The following L3HYPDH variants were observed in gnomAD, a reference collection of about 807,000 sequenced individuals.
L3HYPDH encodes the protein trans-3-hydroxy-L-proline dehydratase.
Under a neutral mutation model 26.5 loss-of-function variants are expected in L3HYPDH, and 32 were observed. The ratio of observed to expected loss-of-function variants is 1.21; its 90% CI spans 0.91 to 1.62. L3HYPDH has a LOEUF of 1.62. Ranked by LOEUF, L3HYPDH falls within the 40% of genes most tolerant of loss-of-function variation. The pLI, the probability that L3HYPDH is intolerant of heterozygous loss-of-function variation, is 0.00. For synonymous variants in L3HYPDH, 215 were observed against 196.6 expected (o/e 1.09, Z -0.78); for missense variants, 554 against 476.4 (o/e 1.16, Z -1.52).
the L3HYPDH span, among the ~76,000 whole-genome samples, chr14:59,501,975 C>T: frequency 6.6e-6 from 1 of 152,000 alleles, no homozygotes. Context: ...CATATCATAA[C>T]GTTTATATTT....
At chr14:59,502,768 T>TGTTTTG in the L3HYPDH span, among the ~76,000 whole-genome samples, 1 of 140,324 alleles carries the variant, frequency 7.1e-6, no homozygotes, top group Non-Finnish European at 1.5e-5. Flanking sequence ...TTTTTTTTTT[T>TGTTTTG]TTTTTCGGAG....
chr14:59,479,888 GA>G (rs1448663166), intron 1 of L3HYPDH, among the ~76,000 whole-genome samples: 11 of 152,136 alleles, frequency 7.2e-5, no homozygotes, highest in African/African-American at 2.2e-4. Context: ...GGCAAACACA[GA>G]AAAATGCCAT....
chr14:59,505,135 A>C, the L3HYPDH span: 3 of 482,650 alleles, frequency 6.2e-6, no homozygotes, highest in Non-Finnish European at 1.1e-5. Context: ...GTTAAATTTT[A>C]AATGTTTAAG....
At chr14:59,469,480 G>A (rs921170635), downstream of L3HYPDH, among the ~76,000 whole-genome samples, 7 of 146,922 alleles carry the variant, frequency 4.8e-5, no homozygotes, top group South Asian at 4.3e-4. Context: ...GCTTGAACCC[G>A]GGAAGCAGAG....
chr14:59,470,957 GGGGGGGGGGGA>G (rs1889294894), downstream of L3HYPDH, among the ~76,000 whole-genome samples: 2 of 23,310 alleles, frequency 8.6e-5, 1 homozygote, highest in African/African-American at 2.0e-4. Context: ...GCTGGGGGCG[GGGGGGGGGGGA>G]GGGCAGGAGA....
At chr14:59,490,612 C>T in the L3HYPDH span, among the ~76,000 whole-genome samples, 1 of 152,152 alleles carries the variant, frequency 6.6e-6, no homozygotes, top group Non-Finnish European at 1.5e-5. Flanking sequence ...GAAATAGAAT[C>T]AGCAGTTTTC....
At chr14:59,485,150 A>C, upstream of L3HYPDH, 2 of 1,593,840 alleles carry the variant, frequency 1.3e-6, no homozygotes, top group Non-Finnish European at 1.7e-6. Context: ...AGTTCAGTTT[A>C]TCATACTGGT....
chr14:59,502,755 T>TGTTTTGTTTTGTTTGTTTTTG, the L3HYPDH span, among the ~76,000 whole-genome samples: 4 of 122,918 alleles, frequency 3.3e-5, no homozygotes, highest in Non-Finnish European at 4.9e-5. Context: ...ATGAGATTTT[T>TGTTTTGTTTTGTTTGTTTTTG]TTTTTTTTTT....
At position 59,476,178 on chromosome 14, in the gene L3HYPDH, A is replaced by C; in HGVS notation, c.715T>G (p.Phe239Val). 1 of 1,610,800 alleles carries C rather than the reference A, an allele frequency of 6.2e-7. No homozygotes were observed. The highest frequency in any genetic ancestry group is 8.5e-7 in the Non-Finnish European group (1 of 1,177,248). The change falls in exon 3 of 5, where the codon TTT (phenylalanine) becomes GTT (valine). Residue 239 changes from phenylalanine (F) to valine (V), a missense_variant. Phe to Val is a conservative substitution (Grantham distance 50). Coordinates refer to ENST00000247194, the MANE Select transcript of L3HYPDH (RefSeq NM_144581.2). ...TCTGTTAATATAGTTCCATATAAAA[A>C]GGCAAGGTCTTCACTATCAGGATGA... ...INHPDSEDLA[F>V]LYGTILTDGK...
chr14:59,476,030 G>GA, intron 3 of L3HYPDH, 24 bp from the exon 4 acceptor site: 1 of 1,613,770 alleles, frequency 6.2e-7, no homozygotes, highest in Non-Finnish European at 8.5e-7. Context: ...AATGAAGACA[G>GA]AATGTTCATA....
chr14:59,486,341 A>T (rs906705239), upstream of L3HYPDH, among the ~76,000 whole-genome samples: 1 of 152,232 alleles, frequency 6.6e-6, no homozygotes, highest in African/African-American at 2.4e-5. Flanking sequence ...TGGGCAAAAT[A>T]CAAGGTGGTG....
At chr14:59,484,469 T>A (rs1249963293), upstream of L3HYPDH, 2 of 1,409,714 alleles carry the variant, frequency 1.4e-6, no homozygotes, top group Non-Finnish European at 9.7e-7. Flanking sequence ...GGGAGGAACT[T>A]CGGAGCTGTC....
At chr14:59,492,947 G>A in the L3HYPDH span, among the ~76,000 whole-genome samples, 15 of 151,904 alleles carry the variant, frequency 9.9e-5, no homozygotes, top group African/African-American at 3.4e-4. Context: ...ACAGGCGCCT[G>A]CCACCACGCC....
the L3HYPDH span, chr14:59,498,807 C>T: frequency 1.2e-6 from 2 of 1,609,938 alleles, no homozygotes; most frequent in South Asian, 2.2e-5. Context: ...AAGAAGATTG[C>T]ATGTGGGTTA....
chr14:59,486,872 C>A, upstream of L3HYPDH: 1 of 1,110,856 alleles, frequency 9.0e-7, no homozygotes, highest in Non-Finnish European at 1.3e-6. Context: ...TTTTCACATA[C>A]AACATTTTTT....
chr14:59,489,052 G>C (rs996956838), upstream of L3HYPDH, among the ~76,000 whole-genome samples: 19 of 152,212 alleles, frequency 1.2e-4, no homozygotes, highest in African/African-American at 4.3e-4. Context: ...ATTAGCACTT[G>C]GCTCTCTTTT....
upstream of L3HYPDH, chr14:59,485,021 G>T: frequency 6.3e-7 from 1 of 1,597,294 alleles, no homozygotes; most frequent in African/African-American, 1.3e-5. Context: ...GGGCAGGACC[G>T]CTGCAAAAAA....
At position 59,473,912 on chromosome 14, in the gene L3HYPDH, G is replaced by A. The variant is rs572100947; in HGVS notation, c.940-822C>T. 7.2e-5 allele frequency among the ~76,000 whole-genome samples: 11 copies of A among 152,218 alleles called. No individual in the cohort carries two copies. The South Asian group carries it at 1.7e-3, about 23-fold the overall frequency. On this transcript the variant is annotated intron_variant, in intron 4 of 4. Coordinates refer to ENST00000247194, the MANE Select transcript of L3HYPDH (RefSeq NM_144581.2). ...GAAGGTACCATCAGGGAGCCTGGAC[G>A]GGCCCACACAGACAGGGAGAGAGCA...
chr14:59,497,427 C>G, the L3HYPDH span, among the ~76,000 whole-genome samples: 1 of 152,278 alleles, frequency 6.6e-6, no homozygotes, highest in South Asian at 2.1e-4. Flanking sequence ...TAATCACTTC[C>G]AGAAACTAGT....
Sources: allele counts gnomAD v4.1 joint callset (sites outside exome capture counted in the v4.1 genomes callset), GRCh38; gene constraint gnomAD v4.1.1; transcripts MANE v1.5; gene names NCBI Gene and HGNC (gene_info 2026-07-23, HGNC 2026-07-21).